The following CLEC2D variants were observed in gnomAD, a reference collection of about 807,000 sequenced individuals.
CLEC2D encodes the protein C-type lectin related f.
CLEC2D carries 16 observed loss-of-function variants against 20.0 expected under a neutral mutation model. The observed-to-expected ratio is 0.80, with a 90% CI of 0.54 to 1.22. CLEC2D has a LOEUF of 1.22. Among genes scored for constraint, CLEC2D ranks in the 50% most tolerant of loss-of-function variants. The probability of loss-of-function intolerance (pLI) is 0.00; values close to 1 mark genes in which losing one functional copy is unlikely to be tolerated. For missense variants in CLEC2D, 207 were observed against 221.5 expected, an observed-to-expected ratio of 0.93 and a Z score of 0.42; for synonymous variants, 77 against 71.1, an observed-to-expected ratio of 1.08 and a Z score of -0.42.
At chr12:9,687,061 C>A (rs1396019712) in intron 2 of CLEC2D, among the ~76,000 whole-genome samples, 1 of 152,154 alleles carries the variant, frequency 6.6e-6, no homozygotes, top group Non-Finnish European at 1.5e-5. Context: ...TTTTCATGGA[C>A]TGGGGTCAAG....
rs1226655704 is a variant in CLEC2D, at chr12:9,683,322, G to GTTTTTTTTTTTTTTTTT, written c.172+2295_172+2296insTTTTTTTTTTTTTTTTT. On this transcript the variant is annotated intron_variant, in intron 2 of 4. Coordinates refer to ENST00000290855, the MANE Select transcript of CLEC2D (RefSeq NM_013269.6). The stretch of plus-strand genomic sequence containing the variant: ...TGCCTGTTCACTCTGATGATAGTTT[G>GTTTTTTTTTTTTTTTTT]TTTTTTGTGTTTGTTTTTTTTTTTT... Among the ~76,000 whole-genome samples the GTTTTTTTTTTTTTTTTT allele has an allele frequency of 3.7e-5, 3 of 80,880 alleles. 1 individual carries two copies. The highest frequency in any genetic ancestry group is 1.2e-4 in the Admixed American group (1 of 8,290). 53.1% of individuals were successfully genotyped at this position (80,880 alleles called of 152,430 possible). A position where few individuals can be genotyped will look rare whatever the true frequency, so the allele number is the denominator to read the frequency against.
In CLEC2D at chr12:9,695,197, G is replaced by T. The variant is rs925548195; in HGVS notation, c.*323G>T. The T allele has an allele frequency of 5.0e-6, 3 of 596,426 alleles. No homozygotes were observed. Among genetic ancestry groups the T allele is most frequent in the African/African-American group, 3.7e-5 (2 of 53,566 alleles). The allele number at this position is 596,426 out of a possible 1,614,324, so 36.9% of individuals were successfully genotyped here. A position where few individuals can be genotyped will look rare whatever the true frequency, so the allele number is the denominator to read the frequency against. ...GAAGGCAAATGGGAAGCAAAGTCAT[G>T]TCTTATGTGGTGGCAGGCAGGGGGA... is the stretch of plus-strand genomic sequence containing the variant. On this transcript the variant is annotated 3_prime_UTR_variant, in exon 5 of 5. Transcript: ENST00000290855.
At chr12:9,693,905 A>C in intron 4 of CLEC2D, 1 of 403,662 alleles carries the variant, frequency 2.5e-6, no homozygotes, top group South Asian at 1.7e-5. Context: ...TCCCTGGCTC[A>C]AGTGAGCCTC....
At position 9,679,340 on chromosome 12, in the gene CLEC2D, CT is replaced by C. The variant is rs1229877186; in HGVS notation, c.62-1577del. ...TTCCTTTTAAAATAATTGCATTTAA[CT>C]TTTTTGTTTTTTGATATAAGACAAG... On this transcript the variant is annotated intron_variant, in intron 1 of 4. Coordinates refer to ENST00000290855, the MANE Select transcript of CLEC2D (RefSeq NM_013269.6). Among the ~76,000 whole-genome samples, 3 of 151,870 alleles carry C rather than the reference CT, an allele frequency of 2.0e-5. No homozygotes were observed. In the South Asian group the frequency reaches 6.2e-4, roughly 32 times the overall value.
At chr12:9,681,490 G>GT (rs1213253210) in intron 2 of CLEC2D, among the ~76,000 whole-genome samples, 10 of 151,800 alleles carry the variant, frequency 6.6e-5, no homozygotes, top group Admixed American at 1.3e-4. Flanking sequence ...TCTGGCCCTT[G>GT]TTTTTTTTAG....
At chr12:9,693,798 G>T (rs1299747502) in intron 4 of CLEC2D, 2 of 446,860 alleles carry the variant, frequency 4.5e-6, no homozygotes, top group East Asian at 1.5e-4. Flanking sequence ...TTCTTAAAAT[G>T]GTTTTTTGTT....
At chr12:9,681,287 T>A (rs7310897) in intron 2 of CLEC2D, among the ~76,000 whole-genome samples, 16 of 151,964 alleles carry the variant, frequency 1.1e-4, no homozygotes, top group Non-Finnish European at 1.2e-4. Context: ...AGAATATTGA[T>A]GCAAAAATTA....
chr12:9,671,255 A>G (rs746284295), intron 1 of CLEC2D, among the ~76,000 whole-genome samples: 7 of 152,056 alleles, frequency 4.6e-5, no homozygotes, highest in African/African-American at 9.7e-5. Flanking sequence ...GTGGAGTCTC[A>G]CTCTGTCCCC....
chr12:9,696,772 T>G lies in CLEC2D; in HGVS notation c.*1898T>G, dbSNP rs779416951. The G allele has an allele frequency of 1.0e-4, 16 of 152,780 alleles. No individual in the cohort carries two copies. The East Asian group carries it at 3.0e-3, about 29-fold the overall frequency. 9.5% of individuals were successfully genotyped at this position (152,780 alleles called of 1,614,324 possible). A position where few individuals can be genotyped will look rare whatever the true frequency, so the allele number is the denominator to read the frequency against. The stretch of plus-strand genomic sequence containing the variant: ...GTACACAGTTGGTGGGAACACAGTT[T>G]GGTGCAGCCATTATAGAAAACGTCA... On this transcript the variant is annotated 3_prime_UTR_variant, in exon 5 of 5. Coordinates refer to ENST00000290855, the MANE Select transcript of CLEC2D (RefSeq NM_013269.6).
At chr12:9,671,442 G>A (rs992789802) in intron 1 of CLEC2D, among the ~76,000 whole-genome samples, 2 of 152,112 alleles carry the variant, frequency 1.3e-5, no homozygotes, top group South Asian at 2.1e-4. Flanking sequence ...GGATGGTCTC[G>A]ATCTCCTGAC....
At chr12:9,673,556 G>C (rs1372991100) in intron 1 of CLEC2D, among the ~76,000 whole-genome samples, 1 of 152,278 alleles carries the variant, frequency 6.6e-6, no homozygotes. Flanking sequence ...CGCTTATGTA[G>C]AGAATCTGAC....
At chr12:9,688,190 ATTTTTTTT>A (rs71045286) in intron 3 of CLEC2D, 104 bp downstream of exon 3, 77,116 of 785,282 alleles carry the variant, frequency 0.098, 645 homozygotes, top group Admixed American at 0.11. Flanking sequence ...TTTTACATTG[ATTTTTTTT>A]TTTTTTTTTT....
chr12:9,690,497 CT>C (rs1025739887), intron 3 of CLEC2D, among the ~76,000 whole-genome samples: 16 of 151,920 alleles, frequency 1.1e-4, no homozygotes, highest in Non-Finnish European at 1.5e-5. Flanking sequence ...TAGTTTATAA[CT>C]TCTCCTATTT....
intron 1 of CLEC2D, among the ~76,000 whole-genome samples, chr12:9,678,285 TCTC>T (rs1772918256): frequency 6.6e-6 from 1 of 152,146 alleles, no homozygotes; most frequent in Admixed American, 6.5e-5. Context: ...TTGTATAGCT[TCTC>T]CTGCTTTCTT....
chr12:9,696,144 C>G lies in CLEC2D; in HGVS notation c.*1270C>G. On this transcript the variant is annotated 3_prime_UTR_variant, in exon 5 of 5. Coordinates refer to ENST00000290855, the MANE Select transcript of CLEC2D (RefSeq NM_013269.6). ...GTGGTTCTCTTCCCAAAGTGGAAACCAAGTTCATCAATTATGTGAAGAATT... is the reference window on the plus strand; with the variant it reads ...GTGGTTCTCTTCCCAAAGTGGAAACGAAGTTCATCAATTATGTGAAGAATT... The G allele has an allele frequency of 1.1e-6, 1 of 907,564 alleles. No homozygotes were observed. The allele number at this position is 907,564 out of a possible 1,614,324, so 56.2% of individuals were successfully genotyped here.
chr12:9,672,845 G>C (rs1373875431), intron 1 of CLEC2D, among the ~76,000 whole-genome samples: 1 of 151,684 alleles, frequency 6.6e-6, no homozygotes, highest in African/African-American at 2.4e-5. Flanking sequence ...TCTTCTGCTT[G>C]GTCAATTCAG....
intron 1 of CLEC2D, among the ~76,000 whole-genome samples, chr12:9,675,152 C>T (rs542198548): frequency 1.3e-5 from 2 of 148,642 alleles, no homozygotes; most frequent in South Asian, 4.2e-4. Context: ...GTCTGCTACT[C>T]TGCTTTCTAT....
chr12:9,681,140 T>A, intron 2 of CLEC2D, 107 bp downstream of exon 2: 1 of 640,146 alleles, frequency 1.6e-6, no homozygotes, highest in South Asian at 2.3e-5. Context: ...ATATATTGTC[T>A]CACTAACTGA....
Position 9,694,792 on chromosome 12 carries a change from A to C in CLEC2D, c.494A>C (p.Tyr165Ser), listed in dbSNP as rs756571538. The C allele has an allele frequency of 4.3e-6, 7 of 1,612,688 alleles. No homozygotes were observed. The African/African-American group carries it at 8.0e-5, about 18-fold the overall frequency. The change falls in exon 5 of 5, where the codon TAT becomes TCT. Residue 165 changes from tyrosine (Y) to serine (S), a missense_variant. Physicochemically the swap from Tyr to Ser is moderately radical, Grantham distance 144. Transcript: ENST00000290855. ...ATCCTGGGAGCAGGAGAGTGTGCCT[A>C]TTTGAATGACAAAGGTGCCAGTAGT... ...FPILGAGECA[Y>S]LNDKGASSAR...
Sources: allele counts gnomAD v4.1 joint callset (sites outside exome capture counted in the v4.1 genomes callset), GRCh38; gene constraint gnomAD v4.1.1; transcripts MANE v1.5; gene names NCBI Gene and HGNC (gene_info 2026-07-23, HGNC 2026-07-21).